BTBD19: variants seen among roughly 807,000 people sequenced by gnomAD.
BTBD19 encodes the protein BTB/POZ domain-containing protein 19.
A neutral mutation model predicts 36.1 loss-of-function variants in BTBD19; 20 were observed. The observed-to-expected ratio is 0.55, with a 90% CI of 0.39 to 0.80. BTBD19 has a LOEUF of 0.80. Ranked by LOEUF, BTBD19 falls within the 30% of genes least tolerant of loss-of-function variation. The probability of loss-of-function intolerance (pLI) is 0.00; values close to 1 mark genes in which losing one functional copy is unlikely to be tolerated. For synonymous variants in BTBD19, 157 were observed against 174.3 expected, an observed-to-expected ratio of 0.90 and a Z score of 0.78; for missense variants, 325 against 389.8, an observed-to-expected ratio of 0.83 and a Z score of 1.40.
Position 44,813,193 on chromosome 1 carries a change from T to G in BTBD19, c.539T>G (p.Leu180Arg). 6.5e-7 allele frequency: 1 copy of G among 1,536,252 alleles called. No homozygotes were observed. The change falls in exon 6 of 8, where the codon CTG becomes CGG. Residue 180 changes from leucine to arginine, a missense_variant. By Grantham distance (102) the Leu-to-Arg change is moderately radical. Transcript: ENST00000450269. The surrounding 1 kb of genome is among the most constrained non-coding windows in gnomAD (Gnocchi z 7.8). ...CTGTCGGCGGCCGCGCTGCTGCCCC[T>G]GCTCCGCAGCGACAAGCTCTGCGTG...
At chr1:44,812,080 G>C in exon 4 of BTBD19, 1 of 1,305,308 alleles carries the variant, frequency 7.7e-7, no homozygotes, top group Non-Finnish European at 1.0e-6. Flanking sequence ...ATGTGGACTT[G>C]GTTTGTGAGG....
At chr1:44,814,472 G>C (rs1305642113), downstream of BTBD19, 2 of 148,022 alleles carry the variant, frequency 1.4e-5, no homozygotes, top group Non-Finnish European at 3.0e-5. Context: ...TAATTTTTTT[G>C]AATTTTTAGT....
intron 1 of BTBD19, among the ~76,000 whole-genome samples, chr1:44,809,858 C>T: frequency 6.6e-6 from 1 of 152,216 alleles, no homozygotes; most frequent in East Asian, 1.9e-4. Context: ...CCCCAAGACT[C>T]AGGCTGGGGA....
intron 1 of BTBD19, among the ~76,000 whole-genome samples, chr1:44,809,170 G>A (rs1193219155): frequency 5.3e-5 from 8 of 152,136 alleles, no homozygotes; most frequent in Admixed American, 5.2e-4. Flanking sequence ...TTTGGCCCCT[G>A]GCAGAAGAAA....
chr1:44,814,194 C>CT (rs775688426), downstream of BTBD19: 5 of 140,404 alleles, frequency 3.6e-5, no homozygotes, highest in Non-Finnish European at 5.3e-5. Context: ...TTCTTTCTTT[C>CT]TTTCTTTCTT....
exon 1 of BTBD19, chr1:44,808,666 T>C (rs990628502): frequency 2.3e-5 from 12 of 519,288 alleles, no homozygotes; most frequent in African/African-American, 7.8e-5. Context: ...CTTCAGGAGC[T>C]TGGGCCTCTC....
chr1:44,812,622 G>A lies in BTBD19; in HGVS notation c.415-374G>A, dbSNP rs112451153. On this transcript the variant is annotated intron_variant, in intron 4 of 7. Coordinates refer to ENST00000450269, the Ensembl canonical transcript of BTBD19. ...TGAGGCAGGAGAATCGCTTGAACCC[G>A]GGAGGCAGAGGTTGCAGTGAGCCGA... 8.5e-3 allele frequency: 3,349 copies of A among 394,844 alleles called. 23 individuals are homozygous for A. The highest frequency in any genetic ancestry group is 0.013 in the Non-Finnish European group (2,683 of 202,302). The allele number at this position is 394,844 out of a possible 1,614,324, so 24.5% of individuals were successfully genotyped here.
At chr1:44,812,744 C>G (rs908251611) in intron 4 of BTBD19, among the ~76,000 whole-genome samples, 1 of 150,798 alleles carries the variant, frequency 6.6e-6, no homozygotes, top group African/African-American at 2.4e-5. Flanking sequence ...AAGGCCATGG[C>G]GTGGTCTCCT....
At chr1:44,814,074 T>C (rs1193709375) in exon 8 of BTBD19, 2 of 553,786 alleles carry the variant, frequency 3.6e-6, no homozygotes, top group African/African-American at 3.8e-5. Context: ...GGCATTGTCG[T>C]CTACTAGTCT....
At chr1:44,815,334 C>CT (rs1256386473), downstream of BTBD19, 2 of 152,208 alleles carry the variant, frequency 1.3e-5, no homozygotes, top group African/African-American at 4.8e-5. Context: ...CACCTCTTCT[C>CT]TCAAATACAA....
intron 4 of BTBD19, 65 bp from the exon 5 acceptor site, chr1:44,812,931 C>A: frequency 7.0e-7 from 1 of 1,419,308 alleles, no homozygotes. Flanking sequence ...GTGGTGGGTC[C>A]CAGTGAGCAG....
chr1:44,810,758 T>C lies in BTBD19; in HGVS notation c.354+151T>C, dbSNP rs116724108. On this transcript the variant is annotated intron_variant, in intron 3 of 7. Coordinates refer to ENST00000450269, the Ensembl canonical transcript of BTBD19. The surrounding 1 kb of genome is among the most constrained non-coding windows in gnomAD (Gnocchi z 4.2). The stretch of plus-strand genomic sequence containing the variant: ...CTCTCCCAAGTAAGTAGGGCATGTA[T>C]GTGTGCCTGTGTGCAAAAGGATCCA... 3,443 of 608,256 alleles carry C rather than the reference T, an allele frequency of 5.7e-3. 95 individuals carry two copies. In the African/African-American group the frequency reaches 0.06, roughly 11 times the overall value. 37.7% of individuals were successfully genotyped at this position (608,256 alleles called of 1,614,324 possible). A position where few individuals can be genotyped will look rare whatever the true frequency, so the allele number is the denominator to read the frequency against.
intron 4 of BTBD19, 77 bp downstream of exon 4, chr1:44,812,175 G>A: frequency 9.0e-7 from 1 of 1,115,060 alleles, no homozygotes; most frequent in Non-Finnish European, 1.2e-6. Flanking sequence ...GGGAGCCTGG[G>A]CCTGCTGTGT....
In BTBD19 at chr1:44,813,805, C is replaced by G. The variant is rs868350119; in HGVS notation, c.*33C>G. 23 of 1,550,796 alleles carry G rather than the reference C, an allele frequency of 1.5e-5. No homozygotes were observed. The African/African-American group carries it at 2.9e-4, about 19-fold the overall frequency. ...CCGGGACTCGCAGGGAGCCCTCGAC[C>G]CGCCCAGCTGAGCCTGCCCCAAACT... On this transcript the variant is annotated 3_prime_UTR_variant, in exon 8 of 8. Coordinates refer to ENST00000450269, the Ensembl canonical transcript of BTBD19. This position sits in a 1 kb window ranked among gnomAD's most constrained non-coding sequence, Gnocchi z 7.8.
At position 44,808,817 on chromosome 1, in the gene BTBD19, A is replaced by G. The variant is rs937180930; in HGVS notation, c.-4A>G. On this transcript the variant is annotated 5_prime_UTR_variant, in exon 1 of 8. Coordinates refer to ENST00000450269, the Ensembl canonical transcript of BTBD19. ...CCCTCCTCCACCCCAACCCCTTCTC[A>G]CTCATGGAGCCCTTGGGACTGGTCG... 4.6e-6 allele frequency: 7 copies of G among 1,537,560 alleles called. No homozygotes were observed. In the African/African-American group the frequency reaches 9.7e-5, roughly 21 times the overall value.
intron 4 of BTBD19, chr1:44,812,653 C>T (rs1325391945): frequency 4.8e-5 from 20 of 419,690 alleles, no homozygotes; most frequent in African/African-American, 8.2e-5. Flanking sequence ...GCCGAGATTG[C>T]GCCACTGCAC....
chr1:44,813,578 C>T lies in BTBD19; in HGVS notation c.742-60C>T. Reference sequence around the variant, plus strand: ...GGGAGGGGGCAGGAGCAGCCCGGCCCACGGTCCTCGGGGCGAGGGGCCACC... The same window carrying T: ...GGGAGGGGGCAGGAGCAGCCCGGCCTACGGTCCTCGGGGCGAGGGGCCACC... On this transcript the variant is annotated intron_variant, in intron 7 of 7. Coordinates refer to ENST00000450269, the Ensembl canonical transcript of BTBD19. The surrounding 1 kb of genome is among the most constrained non-coding windows in gnomAD (Gnocchi z 7.8). 4 of 1,534,848 alleles carry T rather than the reference C, an allele frequency of 2.6e-6. No individual in the cohort carries two copies. Among genetic ancestry groups the T allele is most frequent in the Non-Finnish European group, 3.5e-6 (4 of 1,136,074 alleles).
rs1386864097 is a variant in BTBD19 at position 44,813,128 on chromosome 1, C to T, written c.484-10C>T. 6 of 1,544,052 alleles carry T rather than the reference C, an allele frequency of 3.9e-6. No homozygotes were observed. Among genetic ancestry groups the T allele is most frequent in the Middle Eastern group, 1.7e-4 (1 of 5,974 alleles). On this transcript the variant is annotated splice_polypyrimidine_tract_variant and intron_variant, in intron 5 of 7. Coordinates refer to ENST00000450269, the Ensembl canonical transcript of BTBD19. The surrounding 1 kb of genome is among the most constrained non-coding windows in gnomAD (Gnocchi z 7.8). ...TTCTGCTCCTCCCTGACCCATTTGC[C>T]GGCTCGCAGGAGGCCCTCCGGACCC... is the stretch of plus-strand genomic sequence containing the variant.
chr1:44,808,948 C>G, intron 1 of BTBD19, 42 bp downstream of exon 1: 1 of 1,468,890 alleles, frequency 6.8e-7, no homozygotes, highest in Non-Finnish European at 9.2e-7. Flanking sequence ...TTAGCTGGCT[C>G]TGTGGGCCCC....
Sources: allele counts gnomAD v4.1 joint callset (sites outside exome capture counted in the v4.1 genomes callset), GRCh38; gene constraint gnomAD v4.1.1; non-coding constraint Gnocchi (gnomAD v3.1); transcripts MANE v1.5; gene names NCBI Gene and HGNC (gene_info 2026-07-23, HGNC 2026-07-21).